Variants in ARHGEF37 observed in about 807,000 individuals in gnomAD.
The protein encoded by ARHGEF37 is Rho guanine nucleotide exchange factor 37, also known as Rho guanine nucleotide exchange factor (GEF) 37.
ARHGEF37 carries 55 observed loss-of-function variants against 71.1 expected under a neutral mutation model. The observed-to-expected ratio is 0.77, with a 90% CI of 0.62 to 0.97. The LOEUF is 0.97. Ranked by LOEUF, ARHGEF37 falls within the 50% of genes least tolerant of loss-of-function variation. ARHGEF37 has a pLI of 0.00. For missense variants in ARHGEF37, 765 were observed against 836.8 expected, an observed-to-expected ratio of 0.91 and a Z score of 1.06; for synonymous variants, 327 against 350.6, an observed-to-expected ratio of 0.93 and a Z score of 0.75.
upstream of ARHGEF37, among the ~76,000 whole-genome samples, chr5:149,580,666 T>A (rs972916818): frequency 6.6e-6 from 1 of 152,076 alleles, no homozygotes. Flanking sequence ...ACAGTACAAG[T>A]AAAACATTTA....
At chr5:149,631,748 G>T (rs142481053) in intron 12 of ARHGEF37, among the ~76,000 whole-genome samples, 1 of 152,322 alleles carries the variant, frequency 6.6e-6, no homozygotes, top group East Asian at 1.9e-4. Flanking sequence ...TAGAATTATT[G>T]TGAGAACCCA....
At chr5:149,589,323 T>TATTAATTA (rs148953672) in intron 1 of ARHGEF37, among the ~76,000 whole-genome samples, 5 of 151,566 alleles carry the variant, frequency 3.3e-5, no homozygotes, top group Admixed American at 1.3e-4. Flanking sequence ...CATAATGTTT[T>TATTAATTA]ATTAATTAAT....
At chr5:149,620,518 C>T (rs908673762) in intron 8 of ARHGEF37, 54 bp downstream of exon 8, 2 of 1,423,106 alleles carry the variant, frequency 1.4e-6, no homozygotes, top group African/African-American at 1.4e-5. Flanking sequence ...GTAGAGCTTA[C>T]AAGAATAATA....
chr5:149,632,138 T>G lies in ARHGEF37; in HGVS notation c.1975T>G (p.Phe659Val). The G allele has an allele frequency of 6.2e-7, 1 of 1,614,250 alleles. No individual in the cohort carries two copies. The highest frequency in any genetic ancestry group is 8.5e-7 in the Non-Finnish European group (1 of 1,180,052). ...ACAGAGGGGTTATGTGCCTTCTGGCTTCTTGGCCAGGGCTCGGAGCCCAGT... is the reference window on the plus strand; with the variant it reads ...ACAGAGGGGTTATGTGCCTTCTGGCGTCTTGGCCAGGGCTCGGAGCCCAGT... ...NGQRGYVPSG[F>V]LARARSPVLW... The change falls in exon 13 of 13, where the codon TTC becomes GTC. Residue 659 changes from phenylalanine (F) to valine (V), a missense_variant. Around this residue, in one of 5 missense-constraint regions of ARHGEF37, gnomAD observed 390 missense variants for 407.4 expected, o/e 0.96. Coordinates refer to ENST00000333677, the MANE Select transcript of ARHGEF37 (RefSeq NM_001001669.3).
intron 2 of ARHGEF37, among the ~76,000 whole-genome samples, chr5:149,600,126 A>C (rs1186913582): frequency 1.3e-5 from 2 of 152,242 alleles, no homozygotes; most frequent in African/African-American, 2.4e-5. Flanking sequence ...CACTGTCCTG[A>C]ATACTACAGG....
At chr5:149,589,431 G>C (rs1019865164) in intron 1 of ARHGEF37, among the ~76,000 whole-genome samples, 1 of 151,944 alleles carries the variant, frequency 6.6e-6, no homozygotes, top group Non-Finnish European at 1.5e-5. Flanking sequence ...GAGTTCAAGC[G>C]ATCTTCCCAC....
chr5:149,629,878 C>T (rs971365800), intron 12 of ARHGEF37, among the ~76,000 whole-genome samples: 2 of 152,194 alleles, frequency 1.3e-5, no homozygotes, highest in Admixed American at 1.3e-4. Context: ...AATGAAACAC[C>T]GGTACATGCT....
intron 3 of ARHGEF37, among the ~76,000 whole-genome samples, chr5:149,609,010 C>A (rs1763996016): frequency 1.3e-5 from 2 of 151,896 alleles, no homozygotes; most frequent in Admixed American, 1.3e-4. Flanking sequence ...CATGGTGAAA[C>A]CCCATCTCCA....
At chr5:149,598,106 C>T (rs940377978) in intron 2 of ARHGEF37, 151 bp downstream of exon 2, 2 of 958,810 alleles carry the variant, frequency 2.1e-6, no homozygotes, top group East Asian at 5.6e-5. Flanking sequence ...AGCCCCAGTA[C>T]TTCTTTTCCT....
At chr5:149,560,212 T>C (rs1226791265) in intron 1 of ARHGEF37, among the ~76,000 whole-genome samples, 1 of 152,134 alleles carries the variant, frequency 6.6e-6, no homozygotes, top group Non-Finnish European at 1.5e-5. Flanking sequence ...GCTTCCCAGG[T>C]TCAAGTGATT....
chr5:149,598,418 T>C (rs575201115), intron 2 of ARHGEF37, among the ~76,000 whole-genome samples: 4 of 149,298 alleles, frequency 2.7e-5, no homozygotes, highest in Admixed American at 1.4e-4. Context: ...CTCTTCTCCT[T>C]CTTCTCCTTC....
intron 11 of ARHGEF37, among the ~76,000 whole-genome samples, chr5:149,628,148 G>A (rs1752754636): frequency 6.6e-6 from 1 of 152,182 alleles, no homozygotes; most frequent in Non-Finnish European, 1.5e-5. Context: ...AGGCCAAGAG[G>A]ACTGGATTTG....
chr5:149,619,112 C>A, intron 7 of ARHGEF37, 70 bp downstream of exon 7: 2 of 1,309,964 alleles, frequency 1.5e-6, no homozygotes, highest in Non-Finnish European at 2.2e-6. Flanking sequence ...CTTGCAGGGC[C>A]CAGCCTACAA....
chr5:149,592,039 GT>G, intron 1 of ARHGEF37, among the ~76,000 whole-genome samples: 1 of 152,134 alleles, frequency 6.6e-6, no homozygotes, highest in East Asian at 1.9e-4. Flanking sequence ...TCAAGGTGAG[GT>G]TGCAACAATA....
At chr5:149,616,805 A>G in intron 5 of ARHGEF37, 39 bp downstream of exon 5, 1 of 1,530,108 alleles carries the variant, frequency 6.5e-7, no homozygotes, top group Admixed American at 1.9e-5. Flanking sequence ...ATTAGTAGGA[A>G]TGCTTCCAGT....
At chr5:149,619,098 G>A in intron 7 of ARHGEF37, 56 bp downstream of exon 7, 1 of 1,449,194 alleles carries the variant, frequency 6.9e-7, no homozygotes, top group South Asian at 1.1e-5. Flanking sequence ...CCCCTGGCAG[G>A]AGGCTTGCAG....
intron 12 of ARHGEF37, among the ~76,000 whole-genome samples, chr5:149,631,451 G>A (rs1267458941): frequency 1.3e-5 from 2 of 152,094 alleles, no homozygotes; most frequent in African/African-American, 4.8e-5. Context: ...GATTATAGGC[G>A]TGAGCCACCA....
At chr5:149,554,219 CTT>C (rs1762722216) in intron 1 of ARHGEF37, among the ~76,000 whole-genome samples, 1 of 152,152 alleles carries the variant, frequency 6.6e-6, no homozygotes, top group South Asian at 2.1e-4. Context: ...AATCCCAACA[CTT>C]TGGGAGGCCA....
chr5:149,570,576 C>CAA (rs778453136), intron 1 of ARHGEF37, among the ~76,000 whole-genome samples: 1 of 88,144 alleles, frequency 1.1e-5, no homozygotes, highest in African/African-American at 4.1e-5. Flanking sequence ...AACTCCGCCT[C>CAA]AAAAAAAAAA....
Sources: allele counts gnomAD v4.1 joint callset (sites outside exome capture counted in the v4.1 genomes callset), GRCh38; gene constraint gnomAD v4.1.1; regional missense constraint gnomAD v4.1.1; transcripts MANE v1.5; gene names NCBI Gene and HGNC (gene_info 2026-07-23, HGNC 2026-07-21).